SAMSN1: variants seen among roughly 807,000 people sequenced by gnomAD.
SAMSN1 encodes SAM domain, SH3 domain and nuclear localization signals 1, also known as SAM domain-containing protein SAMSN-1.
SAMSN1 carries 31 observed loss-of-function variants against 42.0 expected under a neutral mutation model. That is an observed-to-expected ratio of 0.74 (90% CI 0.55 to 1.00). The LOEUF is 1.00. SAMSN1 is among the 50% of genes least tolerant of loss of function. The pLI is 0.00. For synonymous variants in SAMSN1, 178 were observed against 151.9 expected, an observed-to-expected ratio of 1.17 and a Z score of -1.26; for missense variants, 464 against 439.4, an observed-to-expected ratio of 1.06 and a Z score of -0.50.
In SAMSN1 at chr21:14,534,477, T is replaced by A. The variant is rs138594075; in HGVS notation, c.57+11728A>T. The stretch of plus-strand genomic sequence containing the variant: ...ACAACAACAACAACAAACAGAGAAA[T>A]GTGGAACAAGCACAACGAAAATAGA... On this transcript the variant is annotated intron_variant, in intron 1 of 7. Coordinates refer to ENST00000400566, the MANE Select transcript of SAMSN1 (RefSeq NM_022136.5). Among the ~76,000 whole-genome samples, 1,364 of 151,942 alleles carry A rather than the reference T, an allele frequency of 9.0e-3. 17 individuals are homozygous for A. The highest frequency in any genetic ancestry group is 0.026 in the African/African-American group (1,061 of 41,424).
intron 6 of SAMSN1, 74 bp from the exon 7 acceptor site, chr21:14,498,666 A>AG: frequency 7.8e-7 from 1 of 1,280,008 alleles, no homozygotes; most frequent in Non-Finnish European, 1.1e-6. Flanking sequence ...AGATTTAAAG[A>AG]AAGTATAGAG....
intron 2 of SAMSN1, among the ~76,000 whole-genome samples, chr21:14,634,317 G>A (rs924497989): frequency 3.9e-5 from 6 of 152,086 alleles, no homozygotes; most frequent in Non-Finnish European, 5.9e-5. Context: ...TGACAAATGG[G>A]ATCTAATTAA....
chr21:14,507,063 T>C (rs1169643749), intron 5 of SAMSN1, among the ~76,000 whole-genome samples: 3 of 152,190 alleles, frequency 2.0e-5, no homozygotes, highest in African/African-American at 7.2e-5. Context: ...AAGCCATCTA[T>C]GACAAACCCA....
chr21:14,642,569 T>C (rs1230537079), intron 2 of SAMSN1, among the ~76,000 whole-genome samples: 2 of 152,198 alleles, frequency 1.3e-5, no homozygotes, highest in African/African-American at 4.8e-5. Context: ...ACTGTGGAAA[T>C]TGACAAACGC....
chr21:14,610,928 T>C (rs1344734842), intron 4 of SAMSN1, among the ~76,000 whole-genome samples: 1 of 152,190 alleles, frequency 6.6e-6, no homozygotes, highest in Admixed American at 6.5e-5. Context: ...TCATAACCAA[T>C]TATTATTACT....
intron 7 of SAMSN1, among the ~76,000 whole-genome samples, chr21:14,589,579 A>G (rs1982017911): frequency 2.0e-5 from 3 of 152,112 alleles, no homozygotes; most frequent in Admixed American, 6.5e-5. Flanking sequence ...GTATATACCT[A>G]CATATATTTG....
At chr21:14,612,519 T>C (rs973098938) in intron 4 of SAMSN1, 19 of 399,318 alleles carry the variant, frequency 4.8e-5, no homozygotes, top group Non-Finnish European at 9.7e-5. Flanking sequence ...TTCTGCTAAT[T>C]TTTTATTGTC....
At chr21:14,527,190 C>T (rs145713243) in intron 1 of SAMSN1, among the ~76,000 whole-genome samples, 2 of 152,308 alleles carry the variant, frequency 1.3e-5, no homozygotes, top group East Asian at 1.9e-4. Flanking sequence ...TGTTTCAGCA[C>T]ATCCTTATAT....
intron 2 of SAMSN1, among the ~76,000 whole-genome samples, chr21:14,618,525 T>C (rs897448026): frequency 6.6e-6 from 1 of 152,208 alleles, no homozygotes; most frequent in Admixed American, 6.5e-5. Flanking sequence ...TAAATGACTT[T>C]CAATTCTGAC....
chr21:14,587,260 T>C (rs1981946331), upstream of SAMSN1, among the ~76,000 whole-genome samples: 3 of 152,230 alleles, frequency 2.0e-5, no homozygotes, highest in Admixed American at 2.0e-4. Context: ...GTATGCTTCC[T>C]TTAATTCTAT....
At position 14,649,189 on chromosome 21, in the gene SAMSN1, G is replaced by A. The variant is rs572136526; in HGVS notation, c.25-6056C>T. 1.5e-4 allele frequency among the ~76,000 whole-genome samples: 23 copies of A among 149,082 alleles called. No individual in the cohort carries two copies. The South Asian group carries it at 1.9e-3, about 12-fold the overall frequency. On this transcript the variant is annotated intron_variant, in intron 1 of 15. Transcript: ENST00000647101. The stretch of plus-strand genomic sequence containing the variant: ...TCACAAGAACAAAAAACCCAACACA[G>A]CATATTCTCACTCATAGGTGGGAAT...
intron 2 of SAMSN1, among the ~76,000 whole-genome samples, chr21:14,570,660 C>T (rs1335946260): frequency 6.6e-6 from 1 of 152,124 alleles, no homozygotes. Flanking sequence ...AGACATAATC[C>T]TATGAGCCTG....
At chr21:14,517,502 A>T (rs1987969133) in intron 2 of SAMSN1, among the ~76,000 whole-genome samples, 1 of 152,178 alleles carries the variant, frequency 6.6e-6, no homozygotes, top group South Asian at 2.1e-4. Context: ...ATAGAAATTG[A>T]GATGATTGTG....
At position 14,546,212 on chromosome 21, in the gene SAMSN1, T is replaced by G; in HGVS notation, c.50A>C (p.Lys17Thr). The G allele has an allele frequency of 2.5e-6, 4 of 1,613,120 alleles. No individual in the cohort carries two copies. The highest frequency in any genetic ancestry group is 3.4e-6 in the Non-Finnish European group (4 of 1,179,384). The stretch of plus-strand genomic sequence containing the variant: ...TGTATGAAATCACCTTACCTTTGGT[T>G]TTTGATGTTTCTCCTTCTCTGAAAC... ...SNVSEKEKHQ[K>T]PKRSSSFGNF... The change falls in exon 1 of 8, where the codon AAA (lysine) becomes ACA (threonine). Residue 17 changes from lysine to threonine, a missense_variant. Lys to Thr is a moderately conservative substitution (Grantham distance 78). Transcript: ENST00000400566.
At chr21:14,530,427 A>G (rs1324566894) in intron 1 of SAMSN1, among the ~76,000 whole-genome samples, 1 of 152,098 alleles carries the variant, frequency 6.6e-6, no homozygotes, top group Non-Finnish European at 1.5e-5. Context: ...TATAAGATGG[A>G]TCACTGGATG....
chr21:14,593,901 T>G (rs182779186), intron 7 of SAMSN1: 1 of 617,748 alleles, frequency 1.6e-6, no homozygotes, highest in Non-Finnish European at 3.0e-6. Flanking sequence ...ATGTGGCAGC[T>G]GAAAACAGAA....
At chr21:14,654,234 T>C (rs1319624550) in intron 1 of SAMSN1, among the ~76,000 whole-genome samples, 1 of 151,968 alleles carries the variant, frequency 6.6e-6, no homozygotes, top group Admixed American at 6.6e-5. Flanking sequence ...ATAAGTAAAG[T>C]GAAGATTGGA....
intron 1 of SAMSN1, among the ~76,000 whole-genome samples, chr21:14,529,764 T>G (rs181322344): frequency 2.4e-3 from 369 of 152,340 alleles, no homozygotes; most frequent in Non-Finnish European, 3.6e-3. Context: ...TTAAAATGTA[T>G]AGTAGATGTC....
intron 7 of SAMSN1, among the ~76,000 whole-genome samples, chr21:14,488,815 A>G (rs569007242): frequency 6.6e-6 from 1 of 152,348 alleles, no homozygotes; most frequent in South Asian, 2.1e-4. Context: ...TCGTGAAATG[A>G]AAACACGACT....
Sources: gnomAD v4.1 joint callset for allele counts (sites outside exome capture counted in the v4.1 genomes callset) on GRCh38, gnomAD v4.1.1 for gene constraint, MANE v1.5 for transcripts, NCBI Gene and HGNC (gene_info 2026-07-23, HGNC 2026-07-21) for gene names.